AK9: variants seen among roughly 807,000 people sequenced by gnomAD.
The protein encoded by AK9 is adenylate kinase 9.
Under a neutral mutation model 239.6 loss-of-function variants are expected in AK9, and 191 were observed. The observed-to-expected ratio is 0.80, with a 90% CI of 0.71 to 0.90. AK9 has a LOEUF of 0.90. Among genes scored for constraint, AK9 ranks in the 40% least tolerant of loss-of-function variants. AK9 has a pLI of 0.00. For synonymous variants in AK9, 689 were observed against 721.0 expected (o/e 0.96, Z 0.71); for missense variants, 1,995 against 2,214.7 (o/e 0.90, Z 1.99).
chr6:109,646,516 G>A (rs1562544086), intron 8 of AK9, among the ~76,000 whole-genome samples: 1 of 151,974 alleles, frequency 6.6e-6, no homozygotes, highest in Non-Finnish European at 1.5e-5. Flanking sequence ...TCAAATGAAT[G>A]AAATGAAGCA....
intron 21 of AK9, among the ~76,000 whole-genome samples, chr6:109,569,513 T>C (rs536526655): frequency 1.3e-5 from 2 of 151,714 alleles, no homozygotes; most frequent in Admixed American, 1.3e-4. Context: ...TGGGAGAAAA[T>C]TTTTGCAATC....
intron 26 of AK9, 91 bp from the exon 27 acceptor site, chr6:109,542,262 G>A: frequency 1.6e-6 from 2 of 1,244,084 alleles, no homozygotes; most frequent in Non-Finnish European, 2.2e-6. Flanking sequence ...TAAAGAGGAG[G>A]ACCTCATGGA....
chr6:109,602,850 C>A (rs985909268), intron 17 of AK9, among the ~76,000 whole-genome samples: 4 of 152,168 alleles, frequency 2.6e-5, no homozygotes, highest in Admixed American at 2.0e-4. Context: ...ACCCTTTCTT[C>A]CAGTTGATCG....
At chr6:109,594,227 C>T (rs1226228760) in intron 17 of AK9, among the ~76,000 whole-genome samples, 1 of 152,026 alleles carries the variant, frequency 6.6e-6, no homozygotes, top group African/African-American at 2.4e-5. Context: ...CAATAATAGA[C>T]AAACAGAGAG....
intron 32 of AK9, among the ~76,000 whole-genome samples, chr6:109,510,809 C>T (rs1056299563): frequency 1.3e-5 from 2 of 152,140 alleles, no homozygotes; most frequent in African/African-American, 4.8e-5. Flanking sequence ...CCAAAGATAC[C>T]AGAACAGTAG....
chr6:109,686,768 C>T (rs145900070), intron 1 of AK9, among the ~76,000 whole-genome samples: 70 of 152,280 alleles, frequency 4.6e-4, no homozygotes, highest in Middle Eastern at 3.4e-3. Flanking sequence ...AGAATGAATG[C>T]CTGGTCATGG....
At chr6:109,508,788 G>A (rs557844220) in intron 33 of AK9, among the ~76,000 whole-genome samples, 5 of 152,266 alleles carry the variant, frequency 3.3e-5, no homozygotes, top group Non-Finnish European at 7.4e-5. Flanking sequence ...CAGAGAGCTG[G>A]GCCAGACATA....
intron 3 of AK9, among the ~76,000 whole-genome samples, chr6:109,673,688 A>C (rs906404815): frequency 2.0e-5 from 3 of 152,144 alleles, no homozygotes; most frequent in Non-Finnish European, 2.9e-5. Flanking sequence ...CTTTCATAAA[A>C]AGACACCCAA....
chr6:109,506,467 C>T lies in AK9; in HGVS notation c.4709G>A (p.Arg1570Lys), dbSNP rs777846557. 2.5e-6 allele frequency: 4 copies of T among 1,613,600 alleles called. No individual in the cohort carries two copies. The East Asian group carries it at 8.9e-5, about 36-fold the overall frequency. ...CTGATGCTGTTCTTGATAATATTGCCTAATCTCACCAATATTTTTGCGATA... is the reference window on the plus strand; with the variant it reads ...CTGATGCTGTTCTTGATAATATTGCTTAATCTCACCAATATTTTTGCGATA... Reference protein sequence around the residue: ...VKYRKNIGEIRQYYQEQHQNW... With the variant: ...VKYRKNIGEIKQYYQEQHQNW... Residue 1570 changes from arginine to lysine, a missense_variant, in exon 35 of 41, where the codon AGG becomes AAG. This residue lies in a region of AK9 where 391 missense variants were observed against 456.0 expected (regional missense o/e 0.86). Transcript: ENST00000424296.
At chr6:109,544,486 C>T (rs1783282815) in intron 26 of AK9, among the ~76,000 whole-genome samples, 1 of 152,080 alleles carries the variant, frequency 6.6e-6, no homozygotes, top group South Asian at 2.1e-4. Context: ...ACTGTCATGA[C>T]GGTAGTGAGT....
At chr6:109,568,796 G>A (rs926275064) in intron 21 of AK9, among the ~76,000 whole-genome samples, 6 of 152,004 alleles carry the variant, frequency 3.9e-5, no homozygotes, top group Admixed American at 2.6e-4. Context: ...AAACAAATGG[G>A]AGAACATTCC....
At chr6:109,506,631 G>A (rs1778151863) in intron 34 of AK9, 23 bp downstream of exon 34, 3 of 1,530,160 alleles carry the variant, frequency 2.0e-6, no homozygotes, top group South Asian at 1.2e-5. Context: ...TTCCTTTTTT[G>A]TTGTCTTCAT....
At chr6:109,590,477 A>G (rs1274424728) in intron 17 of AK9, among the ~76,000 whole-genome samples, 1 of 152,050 alleles carries the variant, frequency 6.6e-6, no homozygotes, top group Non-Finnish European at 1.5e-5. Context: ...TTATCTAGCT[A>G]TCAATTTTGC....
In AK9 at chr6:109,506,109, C is replaced by T. The variant is rs73520984; in HGVS notation, c.4849+218G>A. On this transcript the variant is annotated intron_variant, in intron 35 of 40. Transcript: ENST00000424296. ...TCTTAATACTATTACACTGGGGATTCGGTTTCAGCATATGAATTTTGGGTG... is the reference window on the plus strand; with the variant it reads ...TCTTAATACTATTACACTGGGGATTTGGTTTCAGCATATGAATTTTGGGTG... Among the ~76,000 whole-genome samples the T allele has an allele frequency of 8.1e-3, 1,230 of 152,144 alleles. 26 individuals are homozygous for T. Among genetic ancestry groups the T allele is most frequent in the African/African-American group, 0.026 (1,088 of 41,498 alleles).
intron 12 of AK9, among the ~76,000 whole-genome samples, chr6:109,622,526 C>CATT (rs10690530): frequency 0.77 from 109,247 of 142,396 alleles, 42,785 homozygotes; most frequent in East Asian, 0.99. Flanking sequence ...CAGGATAATA[C>CATT]AATAATATAT....
rs896634195 is a variant in AK9 at position 109,509,163 on chromosome 6, C to A, written c.4481+16G>T. 149 of 1,550,194 alleles carry A rather than the reference C, an allele frequency of 9.6e-5. No individual in the cohort carries two copies. Among genetic ancestry groups the A allele is most frequent in the Non-Finnish European group, 1.3e-4 (145 of 1,145,740 alleles). ...TTTAACTCCCTCTGTCCCATCCTCT[C>A]ACCCCATTCACTTACCCTGCAGTAT... On this transcript the variant is annotated intron_variant, in intron 33 of 40. Transcript: ENST00000424296.
At chr6:109,546,905 G>C (rs979197757) in intron 25 of AK9, among the ~76,000 whole-genome samples, 1 of 152,134 alleles carries the variant, frequency 6.6e-6, no homozygotes, top group African/African-American at 2.4e-5. Flanking sequence ...CTGTATTCAG[G>C]TACCCTATGG....
At chr6:109,677,957 A>ACAT (rs1314988329) in intron 1 of AK9, among the ~76,000 whole-genome samples, 1 of 152,216 alleles carries the variant, frequency 6.6e-6, no homozygotes, top group African/African-American at 2.4e-5. Flanking sequence ...GATCCCTCAT[A>ACAT]CATTGCTGGT....
chr6:109,500,056 C>CACAT (rs1554231767), intron 35 of AK9, among the ~76,000 whole-genome samples: 32 of 151,706 alleles, frequency 2.1e-4, no homozygotes, highest in African/African-American at 7.7e-4. Flanking sequence ...CACACACACA[C>CACAT]ACACACACAC....
Sources: allele counts gnomAD v4.1 joint callset (sites outside exome capture counted in the v4.1 genomes callset), GRCh38; gene constraint gnomAD v4.1.1; regional missense constraint gnomAD v4.1.1; transcripts MANE v1.5; gene names NCBI Gene and HGNC (gene_info 2026-07-23, HGNC 2026-07-21).